The following COL28A1 variants were observed in gnomAD, a reference collection of about 807,000 sequenced individuals.
COL28A1 encodes collagen alpha-1(XXVIII) chain.
COL28A1 carries 161 observed loss-of-function variants against 150.2 expected under a neutral mutation model. That is an observed-to-expected ratio of 1.07 (90% CI 0.94 to 1.22). The LOEUF (loss-of-function observed/expected upper bound fraction) is 1.22, where lower values mean the gene tolerates loss of function less well. Among genes scored for constraint, COL28A1 ranks in the 50% most tolerant of loss-of-function variants. COL28A1 has a pLI of 0.00. For synonymous variants in COL28A1, 552 were observed against 469.7 expected, an observed-to-expected ratio of 1.18 and a Z score of -2.26; for missense variants, 1,617 against 1,388.3, an observed-to-expected ratio of 1.16 and a Z score of -2.62.
chr7:7,443,554 G>T (rs1327432102), intron 20 of COL28A1, 31 bp downstream of exon 20: 4 of 1,612,996 alleles, frequency 2.5e-6, no homozygotes, highest in Non-Finnish European at 3.4e-6. Flanking sequence ...CAGAACACAG[G>T]CTGCTTCCAC....
At position 7,444,960 on chromosome 7, in the gene COL28A1, A is replaced by AATCATGAGAT. The variant is rs1343783842; in HGVS notation, c.1510-472_1510-471insATCTCATGAT. Among the ~76,000 whole-genome samples, 4 of 152,206 alleles carry AATCATGAGAT rather than the reference A, an allele frequency of 2.6e-5. No homozygotes were observed. The East Asian group carries it at 7.7e-4, about 29-fold the overall frequency. ...TTGCTGTTCTTATAATAGAGTTCTC[A>AATCATGAGAT]TGATATCTGGTTGTTTAAAAATGTG... On this transcript the variant is annotated intron_variant, in intron 18 of 34. Coordinates refer to ENST00000399429, the MANE Select transcript of COL28A1 (RefSeq NM_001037763.3).
At chr7:7,431,970 G>C (rs1268141894) in intron 25 of COL28A1, among the ~76,000 whole-genome samples, 1 of 152,196 alleles carries the variant, frequency 6.6e-6, no homozygotes, top group Non-Finnish European at 1.5e-5. Context: ...GCATGGAAGA[G>C]CCATTTGCAG....
At chr7:7,399,861 G>C (rs1783069210) in intron 27 of COL28A1, among the ~76,000 whole-genome samples, 1 of 152,200 alleles carries the variant, frequency 6.6e-6, no homozygotes, top group Non-Finnish European at 1.5e-5. Context: ...CTTCATTTAA[G>C]CAGCATTCTG....
chr7:7,535,218 T>C (rs1011714398), intron 1 of COL28A1, among the ~76,000 whole-genome samples: 1 of 152,158 alleles, frequency 6.6e-6, no homozygotes, highest in African/African-American at 2.4e-5. Context: ...AATACCGTAG[T>C]TTTACTTTTG....
rs1554262302 is a variant in COL28A1 at position 7,383,682 on chromosome 7, G to GTGTGTGTGTA, written c.2137-2071_2137-2070insTACACACACA. On this transcript the variant is annotated intron_variant, in intron 27 of 34. Coordinates refer to ENST00000399429, the MANE Select transcript of COL28A1 (RefSeq NM_001037763.3). ...ATTTGAAATTTGTGTGTGTGTGTGT[G>GTGTGTGTGTA]TATATATATATATATATATATGTAT... Among the ~76,000 whole-genome samples, 270 of 124,070 alleles carry GTGTGTGTGTA rather than the reference G, an allele frequency of 2.2e-3. 3 individuals carry two copies. Among genetic ancestry groups the GTGTGTGTGTA allele is most frequent in the African/African-American group, 8.0e-3 (264 of 32,964 alleles). 81.4% of individuals were successfully genotyped at this position (124,070 alleles called of 152,430 possible).
At chr7:7,519,578 G>A (rs1781599541) in intron 6 of COL28A1, among the ~76,000 whole-genome samples, 1 of 152,104 alleles carries the variant, frequency 6.6e-6, no homozygotes, top group Non-Finnish European at 1.5e-5. Flanking sequence ...TTAAAAGCCT[G>A]GGATTTTTTT....
chr7:7,517,817 T>A lies in COL28A1; in HGVS notation c.834A>T (p.Glu278Asp), dbSNP rs930596718. 3.1e-6 allele frequency: 5 copies of A among 1,613,798 alleles called. No individual in the cohort carries two copies. In the South Asian group the frequency reaches 5.5e-5, roughly 18 times the overall value. ...ATACCCCTGGACCTCTTTCTCCAGC[T>A]TCTCCTTTTTGAGCGTTGCCCTGTG... Reference protein sequence around the residue: ...KGNPGNAQKGEAGERGPGGIP... With the variant: ...KGNPGNAQKGDAGERGPGGIP... The change falls in exon 7 of 35, where the codon GAA becomes GAT. Residue 278 changes from glutamate (E) to aspartate (D), a missense_variant. Glu to Asp is a conservative substitution (Grantham distance 45). Transcript: ENST00000399429.
chr7:7,363,103 AGCAACAAATAAAAGTTTGAG>A (rs987809409), intron 33 of COL28A1, among the ~76,000 whole-genome samples: 1 of 152,210 alleles, frequency 6.6e-6, no homozygotes, highest in African/African-American at 2.4e-5. Flanking sequence ...TTTGGTTTTA[AGCAACAAATAAAAGTTTGAG>A]GAGTAAGTTT....
chr7:7,517,519 T>G (rs923079931), intron 7 of COL28A1, among the ~76,000 whole-genome samples: 2 of 152,204 alleles, frequency 1.3e-5, no homozygotes, highest in Non-Finnish European at 2.9e-5. Flanking sequence ...AGCAAACAGT[T>G]TTCTCATTGG....
At position 7,471,160 on chromosome 7, in the gene COL28A1, T is replaced by A. The variant is rs1378516905; in HGVS notation, c.1302+3441A>T. Among the ~76,000 whole-genome samples the A allele has an allele frequency of 3.5e-5, 5 of 144,840 alleles. 2 individuals are homozygous for A. Among genetic ancestry groups the A allele is most frequent in the African/African-American group, 1.3e-4 (5 of 39,250 alleles). On this transcript the variant is annotated intron_variant, in intron 15 of 34. Coordinates refer to ENST00000399429, the MANE Select transcript of COL28A1 (RefSeq NM_001037763.3). Reference sequence around the variant, plus strand: ...AAAAAAAAAAGAAAAGATACAACCTTCCTAGCTTAAATCAGGAAGAATTAG... The same window carrying A: ...AAAAAAAAAAGAAAAGATACAACCTACCTAGCTTAAATCAGGAAGAATTAG...
chr7:7,401,093 T>A (rs977641167), intron 27 of COL28A1, among the ~76,000 whole-genome samples: 3 of 151,180 alleles, frequency 2.0e-5, no homozygotes, highest in African/African-American at 7.3e-5. Flanking sequence ...TCAGTTCTCA[T>A]CTAATCAGCA....
At chr7:7,395,324 C>G (rs1381052460) in intron 27 of COL28A1, among the ~76,000 whole-genome samples, 1 of 152,146 alleles carries the variant, frequency 6.6e-6, no homozygotes, top group Non-Finnish European at 1.5e-5. Flanking sequence ...GCTGTGGTAC[C>G]TGAATGGGAT....
chr7:7,461,326 G>C (rs1188447974), intron 15 of COL28A1, among the ~76,000 whole-genome samples: 1 of 152,224 alleles, frequency 6.6e-6, no homozygotes, highest in Non-Finnish European at 1.5e-5. Context: ...AAAGCCCACA[G>C]GGGGAAGGAA....
At chr7:7,400,975 GGTGTGTGTGTGTGTGTGTGTGTGT>G (rs60064708) in intron 27 of COL28A1, among the ~76,000 whole-genome samples, 386 of 119,128 alleles carry the variant, frequency 3.2e-3, no homozygotes, top group Non-Finnish European at 5.1e-3. Context: ...TGGGTATTTG[GGTGTGTGTGTGTGTGTGTGTGTGT>G]GTGTGTGTGT....
chr7:7,462,715 C>A (rs192315023), intron 15 of COL28A1, among the ~76,000 whole-genome samples: 1 of 152,088 alleles, frequency 6.6e-6, no homozygotes, highest in East Asian at 1.9e-4. Flanking sequence ...AAAAATTAGC[C>A]GGGCGTGGTG....
chr7:7,366,119 A>G (rs1780920775), intron 33 of COL28A1, among the ~76,000 whole-genome samples: 1 of 152,182 alleles, frequency 6.6e-6, no homozygotes, highest in Non-Finnish European at 1.5e-5. Flanking sequence ...GTAATCATAT[A>G]CTTTTAGAAC....
Position 7,532,930 on chromosome 7 carries a change from G to C in COL28A1, c.-37-18C>G. The C allele has an allele frequency of 6.7e-7, 1 of 1,495,280 alleles. No individual in the cohort carries two copies. The highest frequency in any genetic ancestry group is 8.9e-7 in the Non-Finnish European group (1 of 1,123,732). 92.6% of individuals were successfully genotyped at this position (1,495,280 alleles called of 1,614,324 possible). A position where few individuals can be genotyped will look rare whatever the true frequency, so the allele number is the denominator to read the frequency against. ...TGTAGCACCTTTAATAGAAAAGTCA[G>C]TTACAAATACTTTAATAAAATATGG... On this transcript the variant is annotated intron_variant, in intron 1 of 34. Coordinates refer to ENST00000399429, the MANE Select transcript of COL28A1 (RefSeq NM_001037763.3).
chr7:7,360,792 G>A (rs1159923123), intron 33 of COL28A1, among the ~76,000 whole-genome samples: 5 of 152,018 alleles, frequency 3.3e-5, no homozygotes, highest in Admixed American at 3.3e-4. Flanking sequence ...ACACACACAC[G>A]CAGCCCACCT....
At chr7:7,542,121 G>A in the COL28A1 span, among the ~76,000 whole-genome samples, 787 of 152,282 alleles carry the variant, frequency 5.2e-3, 11 homozygotes, top group African/African-American at 0.018. Context: ...AGGCCGAGGC[G>A]GGCAGATCAC....
Sources: allele counts gnomAD v4.1 joint callset (sites outside exome capture counted in the v4.1 genomes callset), GRCh38; gene constraint gnomAD v4.1.1; transcripts MANE v1.5; gene names NCBI Gene and HGNC (gene_info 2026-07-23, HGNC 2026-07-21).